The following RABGAP1L variants were observed in gnomAD, a reference collection of about 807,000 sequenced individuals.
The protein encoded by RABGAP1L is RAB GTPase activating protein 1 like, also known as rab GTPase-activating protein 1-like.
RABGAP1L carries 63 observed loss-of-function variants against 137.7 expected under a neutral mutation model. That is an observed-to-expected ratio of 0.46 (90% confidence interval 0.37 to 0.56). RABGAP1L has a LOEUF of 0.56. RABGAP1L is among the 20% of genes least tolerant of loss of function. The pLI, the probability that RABGAP1L is intolerant of heterozygous loss-of-function variation, is 0.00. For missense variants in RABGAP1L, 1,095 were observed against 1,244.0 expected, an observed-to-expected ratio of 0.88 and a Z score of 1.80; for synonymous variants, 431 against 433.7, an observed-to-expected ratio of 0.99 and a Z score of 0.08.
intron 19 of RABGAP1L, among the ~76,000 whole-genome samples, chr1:174,830,799 C>T (rs1244669340): frequency 2.7e-5 from 4 of 148,028 alleles, no homozygotes; most frequent in Non-Finnish European, 6.0e-5. Flanking sequence ...TCAAACAAAA[C>T]AAAAATACTT....
intron 14 of RABGAP1L, among the ~76,000 whole-genome samples, chr1:174,682,531 A>G (rs1374754947): frequency 1.3e-5 from 2 of 152,002 alleles, no homozygotes; most frequent in African/African-American, 4.8e-5. Flanking sequence ...CTCAAAGTCT[A>G]CAATATTTAC....
chr1:174,420,677 G>GCT (rs541845597), intron 13 of RABGAP1L, among the ~76,000 whole-genome samples: 1 of 133,992 alleles, frequency 7.5e-6, no homozygotes, highest in African/African-American at 2.8e-5. Context: ...TGGGTGTTTT[G>GCT]TTTTTTTTTT....
At chr1:174,208,464 T>A (rs1445360386) in intron 1 of RABGAP1L, among the ~76,000 whole-genome samples, 1 of 152,140 alleles carries the variant, frequency 6.6e-6, no homozygotes, top group East Asian at 1.9e-4. Flanking sequence ...CCTCAATTGC[T>A]AGTTTACTGA....
At chr1:174,414,756 A>C (rs566195920) in intron 13 of RABGAP1L, among the ~76,000 whole-genome samples, 1 of 152,250 alleles carries the variant, frequency 6.6e-6, no homozygotes, top group Admixed American at 6.5e-5. Context: ...TAATGAGTAG[A>C]TCCTGGGGAC....
At chr1:174,906,398 C>A (rs1022989114) in intron 19 of RABGAP1L, among the ~76,000 whole-genome samples, 1 of 152,096 alleles carries the variant, frequency 6.6e-6, no homozygotes, top group Admixed American at 6.5e-5. Flanking sequence ...GAGACCAAGG[C>A]AGGCGGATCA....
chr1:174,291,328 T>C (rs1256317879), intron 10 of RABGAP1L, among the ~76,000 whole-genome samples: 1 of 152,158 alleles, frequency 6.6e-6, no homozygotes, highest in East Asian at 1.9e-4. Flanking sequence ...TTGGTGATGA[T>C]GGTATTCTTT....
At chr1:174,964,669 C>A in intron 20 of RABGAP1L, 1 of 535,176 alleles carries the variant, frequency 1.9e-6, no homozygotes, top group South Asian at 3.1e-5. Context: ...CCACATACAG[C>A]ATTTTAGTCA....
rs372417474 is a variant in RABGAP1L, at chr1:174,718,769, A to G, written c.2169+16513A>G. On this transcript the variant is annotated intron_variant, in intron 17 of 25. Coordinates refer to ENST00000681986, the MANE Select transcript of RABGAP1L (RefSeq NM_001366446.1). ...ACTACAGCCACAGCCAGAATGGTGG[A>G]CTGAAGTACCAGTGTTCCCTCAGAT... Among the ~76,000 whole-genome samples the G allele has an allele frequency of 3.7e-3, 567 of 152,012 alleles. 2 individuals carry two copies. Among genetic ancestry groups the G allele is most frequent in the African/African-American group, 7.9e-3 (329 of 41,476 alleles).
intron 19 of RABGAP1L, among the ~76,000 whole-genome samples, chr1:174,907,065 C>CAT (rs905955946): frequency 2.7e-5 from 4 of 148,486 alleles, no homozygotes; most frequent in African/African-American, 7.3e-5. Flanking sequence ...AAGAAGAAAG[C>CAT]ACTAATGGGT....
intron 1 of RABGAP1L, 80 bp downstream of exon 1, chr1:174,159,737 T>G (rs1410286291): frequency 1.3e-5 from 2 of 152,696 alleles, no homozygotes; most frequent in Non-Finnish European, 2.9e-5. Flanking sequence ...CTGGGTGTGT[T>G]GGCGTCGGGC....
At chr1:174,870,041 G>A (rs1014548512) in intron 19 of RABGAP1L, among the ~76,000 whole-genome samples, 1 of 152,198 alleles carries the variant, frequency 6.6e-6, no homozygotes, top group Admixed American at 6.5e-5. Context: ...GTGGAGCCCA[G>A]TATCAAACCA....
intron 13 of RABGAP1L, among the ~76,000 whole-genome samples, chr1:174,408,974 A>G (rs979324107): frequency 2.0e-5 from 3 of 152,128 alleles, no homozygotes; most frequent in South Asian, 4.1e-4. Context: ...CCTTTGTCAG[A>G]TACGTAGTTT....
intron 10 of RABGAP1L, among the ~76,000 whole-genome samples, chr1:174,287,486 T>C (rs1002790766): frequency 6.6e-6 from 1 of 152,162 alleles, no homozygotes; most frequent in Non-Finnish European, 1.5e-5. Flanking sequence ...ATTCAGTCAC[T>C]CTATATCTTT....
intron 19 of RABGAP1L, among the ~76,000 whole-genome samples, chr1:174,889,482 G>A (rs571077259): frequency 9.2e-5 from 14 of 152,224 alleles, no homozygotes; most frequent in East Asian, 3.9e-4. Context: ...GTGCAGTGGC[G>A]TGATAATGGC....
intron 18 of RABGAP1L, among the ~76,000 whole-genome samples, chr1:174,768,998 A>C: frequency 6.6e-6 from 1 of 152,118 alleles, no homozygotes; most frequent in Non-Finnish European, 1.5e-5. Flanking sequence ...TTTCCTTAGA[A>C]CTTCATTTCT....
chr1:174,691,733 T>A (rs978187265), intron 15 of RABGAP1L, among the ~76,000 whole-genome samples: 1 of 152,180 alleles, frequency 6.6e-6, no homozygotes, highest in Non-Finnish European at 1.5e-5. Context: ...ATTTTTATTG[T>A]AACTTTAGAC....
intron 19 of RABGAP1L, among the ~76,000 whole-genome samples, chr1:174,829,075 G>T (rs1053296663): frequency 1.4e-5 from 2 of 147,742 alleles, no homozygotes; most frequent in African/African-American, 4.9e-5. Flanking sequence ...TATGACTCTA[G>T]TTTCTCTCAT....
chr1:174,638,116 G>T (rs1410450102), intron 14 of RABGAP1L, among the ~76,000 whole-genome samples: 2 of 152,060 alleles, frequency 1.3e-5, no homozygotes, highest in Non-Finnish European at 2.9e-5. Flanking sequence ...AATGAAGTGT[G>T]GTGGGTATAC....
intron 13 of RABGAP1L, among the ~76,000 whole-genome samples, chr1:174,614,598 G>T (rs1053822817): frequency 6.6e-6 from 1 of 152,106 alleles, no homozygotes; most frequent in African/African-American, 2.4e-5. Flanking sequence ...GGCATTCTCT[G>T]TATTTCCTGA....
Sources: gnomAD v4.1 joint callset for allele counts (sites outside exome capture counted in the v4.1 genomes callset) on GRCh38, gnomAD v4.1.1 for gene constraint, MANE v1.5 for transcripts, NCBI Gene and HGNC (gene_info 2026-07-23, HGNC 2026-07-21) for gene names.